LRBA: variants seen among roughly 807,000 people sequenced by gnomAD.
LRBA encodes LPS responsive beige-like anchor protein, also known as lipopolysaccharide-responsive and beige-like anchor protein.
In LRBA, 176 loss-of-function variants were observed where a neutral mutation model predicts 330.0. That is an observed-to-expected ratio of 0.53 (90% CI 0.47 to 0.60). LRBA has a LOEUF of 0.60. Among genes scored for constraint, LRBA ranks in the 20% least tolerant of loss-of-function variants. LRBA has a pLI of 0.00. For synonymous variants in LRBA, 1,230 were observed against 1,193.0 expected, an observed-to-expected ratio of 1.03 and a Z score of -0.64; for missense variants, 3,259 against 3,444.8, an observed-to-expected ratio of 0.95 and a Z score of 1.35.
At chr4:150,601,849 G>A (rs1774151738) in intron 37 of LRBA, among the ~76,000 whole-genome samples, 1 of 151,464 alleles carries the variant, frequency 6.6e-6, no homozygotes, top group South Asian at 2.1e-4. Context: ...CTGCCACCAT[G>A]CCCGGCTAAT....
rs1255278963 is a variant in LRBA at position 150,914,351 on chromosome 4, A to C, written c.1015-10T>G. 1 of 762,826 alleles carries C rather than the reference A, an allele frequency of 1.3e-6. No individual in the cohort carries two copies. Among genetic ancestry groups the C allele is most frequent in the African/African-American group, 2.0e-5 (1 of 49,696 alleles). 47.3% of individuals were successfully genotyped at this position (762,826 alleles called of 1,614,324 possible). ...AACATTTGTCAAAGGTCTGTAAAAG[A>C]AAAAAAAAAAGGAATTAGGAAAAAA... On this transcript the variant is annotated splice_polypyrimidine_tract_variant and intron_variant, in intron 8 of 56. Coordinates refer to ENST00000651943, the MANE Select transcript of LRBA (RefSeq NM_001364905.1).
chr4:150,287,038 G>A (rs1208378376), intron 53 of LRBA, among the ~76,000 whole-genome samples: 1 of 152,168 alleles, frequency 6.6e-6, no homozygotes, highest in East Asian at 1.9e-4. Context: ...TAGCATTCCC[G>A]ATTTCTTGAT....
intron 2 of LRBA, among the ~76,000 whole-genome samples, chr4:150,935,911 T>C (rs181748906): frequency 8.2e-4 from 125 of 151,872 alleles, no homozygotes; most frequent in African/African-American, 2.8e-3. Context: ...TATCAAAAGT[T>C]AAATTAGAAG....
intron 39 of LRBA, 108 bp from the exon 40 acceptor site, chr4:150,588,292 A>G: frequency 2.8e-6 from 3 of 1,060,362 alleles, no homozygotes; most frequent in South Asian, 4.5e-5. Flanking sequence ...CTAGTACTGA[A>G]CTGCCTGCCA....
rs759459868 is a variant in LRBA at position 150,282,456 on chromosome 4, G to A, written c.8310C>T (p.Asn2770=). 1.2e-6 allele frequency: 2 copies of A among 1,613,984 alleles called. No individual in the cohort carries two copies. The highest frequency in any genetic ancestry group is 1.7e-5 in the Admixed American group (1 of 60,000). Residue 2770 remains asparagine (N), a synonymous_variant, in exon 55 of 57, where the codon AAC becomes AAT. Transcript: ENST00000651943. ...GAGTCCCCAGGGCACTCACTCTTAT[G>A]TTATCATCTGTTTCCATCGTGGCCT... ...KLQATMETDD[N]IRAIQLSRDG...
Position 150,929,058 on chromosome 4 carries a change from C to T in LRBA, c.224G>A (p.Gly75Glu), listed in dbSNP as rs370110788. The change falls in exon 3 of 57, where the codon GGA becomes GAA. Residue 75 changes from glycine (G) to glutamate (E), a missense_variant. Coordinates refer to ENST00000651943, the MANE Select transcript of LRBA (RefSeq NM_001364905.1). ...IVETVFNLLV[G>E]GQFDLEMNFI... Reference sequence around the variant, plus strand: ...ATTCATTTCCAGATCAAACTGTCCTCCTACCAACTTACAAGGAAAAAAAAA... The same window carrying T: ...ATTCATTTCCAGATCAAACTGTCCTTCTACCAACTTACAAGGAAAAAAAAA... 32 of 1,606,168 alleles carry T rather than the reference C, an allele frequency of 2.0e-5. No homozygotes were observed. Among genetic ancestry groups the T allele is most frequent in the Non-Finnish European group, 2.6e-5 (31 of 1,176,252 alleles).
At chr4:150,650,066 A>G (rs1411187435) in intron 37 of LRBA, among the ~76,000 whole-genome samples, 1 of 152,180 alleles carries the variant, frequency 6.6e-6, no homozygotes, top group Non-Finnish European at 1.5e-5. Flanking sequence ...TATTCTCATA[A>G]CAATCCTTTA....
At chr4:150,972,390 A>G (rs1481382610) in intron 2 of LRBA, among the ~76,000 whole-genome samples, 1 of 152,160 alleles carries the variant, frequency 6.6e-6, no homozygotes. Context: ...AAAATAAAAT[A>G]AAATAGTACT....
intron 36 of LRBA, among the ~76,000 whole-genome samples, chr4:150,723,611 G>A (rs1325528481): frequency 6.6e-6 from 1 of 152,124 alleles, no homozygotes; most frequent in Admixed American, 6.5e-5. Context: ...CTAGCTTCAG[G>A]GGTGACCCAG....
chr4:150,874,443 C>A (rs181179738), intron 17 of LRBA, among the ~76,000 whole-genome samples: 29 of 152,252 alleles, frequency 1.9e-4, no homozygotes, highest in African/African-American at 6.7e-4. Context: ...GATTAGAGTC[C>A]CTGCTTTGGA....
intron 47 of LRBA, among the ~76,000 whole-genome samples, chr4:150,351,055 A>G (rs545497504): frequency 6.6e-6 from 1 of 152,272 alleles, no homozygotes; most frequent in South Asian, 2.1e-4. Context: ...TGATGCTATT[A>G]ACATAATAGT....
intron 36 of LRBA, among the ~76,000 whole-genome samples, chr4:150,685,316 G>GT (rs551015403): frequency 5.6e-5 from 7 of 124,236 alleles, no homozygotes; most frequent in East Asian, 2.5e-4. Context: ...AAAAAAATTG[G>GT]TTTTTTTTGT....
intron 40 of LRBA, among the ~76,000 whole-genome samples, chr4:150,529,969 T>C (rs752242486): frequency 1.3e-5 from 2 of 152,230 alleles, no homozygotes; most frequent in African/African-American, 2.4e-5. Context: ...TCAGATATCA[T>C]GTTATCTCAT....
At chr4:150,771,360 G>T (rs112382964) in intron 34 of LRBA, among the ~76,000 whole-genome samples, 44 of 152,292 alleles carry the variant, frequency 2.9e-4, no homozygotes, top group African/African-American at 1.0e-3. Flanking sequence ...CCTACATTCA[G>T]TTCTATCAAG....
chr4:150,761,332 A>G (rs1735058120), intron 35 of LRBA, among the ~76,000 whole-genome samples: 1 of 151,952 alleles, frequency 6.6e-6, no homozygotes, highest in South Asian at 2.1e-4. Flanking sequence ...TAAGTAGAAA[A>G]TATACCTCCT....
intron 34 of LRBA, among the ~76,000 whole-genome samples, chr4:150,794,572 T>C (rs1740464392): frequency 6.6e-6 from 1 of 151,802 alleles, no homozygotes; most frequent in Non-Finnish European, 1.5e-5. Context: ...AATTTTAAAA[T>C]TAATAATTCA....
intron 35 of LRBA, among the ~76,000 whole-genome samples, chr4:150,759,458 G>T (rs1724096407): frequency 6.6e-6 from 1 of 152,144 alleles, no homozygotes. Context: ...CCCTAGGCCT[G>T]GAATGCTTTT....
At chr4:150,860,654 C>A (rs1206956080) in intron 22 of LRBA, among the ~76,000 whole-genome samples, 2 of 151,910 alleles carry the variant, frequency 1.3e-5, no homozygotes, top group Non-Finnish European at 2.9e-5. Context: ...GGTGAAACCT[C>A]TTCTCTACTA....
intron 2 of LRBA, among the ~76,000 whole-genome samples, chr4:150,976,098 C>T (rs1406587460): frequency 6.7e-6 from 1 of 149,994 alleles, no homozygotes; most frequent in Non-Finnish European, 1.5e-5. Context: ...TCGTCTGAAC[C>T]TGGGAGGCAG....
Sources: gnomAD v4.1 joint callset for allele counts (sites outside exome capture counted in the v4.1 genomes callset) on GRCh38, gnomAD v4.1.1 for gene constraint, MANE v1.5 for transcripts, NCBI Gene and HGNC (gene_info 2026-07-23, HGNC 2026-07-21) for gene names.